The following FAM200B variants were observed in gnomAD, a reference collection of about 807,000 sequenced individuals.
The protein encoded by FAM200B is zinc finger BED-type containing 11.
FAM200B carries 32 observed loss-of-function variants against 33.1 expected under a neutral mutation model. The observed-to-expected ratio is 0.97, with a 90% CI of 0.73 to 1.30. The LOEUF is 1.30. Among genes scored for constraint, FAM200B ranks in the 50% most tolerant of loss-of-function variants. The pLI is 0.00. For synonymous variants in FAM200B, 240 were observed against 264.8 expected, an observed-to-expected ratio of 0.91 and a Z score of 0.91; for missense variants, 741 against 754.0, an observed-to-expected ratio of 0.98 and a Z score of 0.20.
chr4:15,654,087 A>C, the FAM200B span, among the ~76,000 whole-genome samples: 1 of 152,130 alleles, frequency 6.6e-6, no homozygotes, highest in Admixed American at 6.5e-5. Context: ...GCTGGTCTTG[A>C]GTGTGGCCTA....
rs748404651 is a variant in FAM200B at position 15,688,049 on chromosome 4, G to A, written c.1072G>A (p.Gly358Arg). The change falls in exon 2 of 2, where the codon GGA (glycine) becomes AGA (arginine). Residue 358 changes from glycine to arginine, a missense_variant. Physicochemically the swap from Gly to Arg is moderately radical, Grantham distance 125. Transcript: ENST00000422728. The part of the protein sequence containing the change: ...NAVKVVNFIK[G>R]SSLNSRLLET... Reference sequence around the variant, plus strand: ...AGTGAAAGTTGTTAATTTTATTAAAGGAAGCTCATTGAATAGCCGGCTTCT... The same window carrying A: ...AGTGAAAGTTGTTAATTTTATTAAAAGAAGCTCATTGAATAGCCGGCTTCT... 1.9e-6 allele frequency: 3 copies of A among 1,551,028 alleles called. No individual in the cohort carries two copies. The highest frequency in any genetic ancestry group is 1.4e-5 in the African/African-American group (1 of 72,988).
chr4:15,669,336 C>G, the FAM200B span, among the ~76,000 whole-genome samples: 14 of 152,136 alleles, frequency 9.2e-5, no homozygotes, highest in Admixed American at 7.2e-4. Flanking sequence ...GTATCCAAAA[C>G]TAGGAAAGGT....
rs779111493 is a variant in FAM200B, at chr4:15,687,784, A to AT, written c.809dup (p.Leu270PhefsTer16). The AT allele has an allele frequency of 2.6e-5, 41 of 1,550,536 alleles. No individual in the cohort carries two copies. Among genetic ancestry groups the AT allele is most frequent in the Non-Finnish European group, 3.5e-6 (4 of 1,146,546 alleles). ...TAAATTTAACCTCACACCTAAGTGGATTAGATATTTTTACAGAATTAGAAA... is the reference window on the plus strand; with the variant it reads ...TAAATTTAACCTCACACCTAAGTGGATTTAGATATTTTTACAGAATTAGAAA... On this transcript the variant is annotated frameshift_variant, in exon 2 of 2. Coordinates refer to ENST00000422728, the MANE Select transcript of FAM200B (RefSeq NM_001145191.2). LOFTEE classifies it high-confidence loss of function.
upstream of FAM200B, among the ~76,000 whole-genome samples, chr4:15,677,161 T>C (rs1718024641): frequency 6.6e-6 from 1 of 152,080 alleles, no homozygotes; most frequent in South Asian, 2.1e-4. Context: ...GCAGAGGAAA[T>C]ATATTCACAA....
the FAM200B span, among the ~76,000 whole-genome samples, chr4:15,674,204 GT>G: frequency 0.12 from 16,643 of 140,104 alleles, 926 homozygotes; most frequent in Admixed American, 0.13. Context: ...AATGCATCGT[GT>G]TTTTTTTTTT....
the FAM200B span, chr4:15,656,470 ATT>A: frequency 5.8e-6 from 2 of 346,094 alleles, no homozygotes; most frequent in Non-Finnish European, 1.2e-5. Flanking sequence ...CTTGTTCTCT[ATT>A]ATCTATCACA....
chr4:15,653,136 A>G, the FAM200B span, among the ~76,000 whole-genome samples: 1 of 152,192 alleles, frequency 6.6e-6, no homozygotes, highest in African/African-American at 2.4e-5. Context: ...CCTCAGTTTC[A>G]GTTCAGAAAA....
the FAM200B span, among the ~76,000 whole-genome samples, chr4:15,673,692 A>G: frequency 6.4e-3 from 973 of 152,326 alleles, 18 homozygotes; most frequent in African/African-American, 0.022. Flanking sequence ...ACAGTGATCA[A>G]TACTTACCTG....
At chr4:15,641,379 C>A in the FAM200B span, 1 of 344,794 alleles carries the variant, frequency 2.9e-6, no homozygotes, top group Non-Finnish European at 5.6e-6. Context: ...AAGACCAACC[C>A]CACCTCTTCT....
the FAM200B span, among the ~76,000 whole-genome samples, chr4:15,648,991 T>C: frequency 6.6e-6 from 1 of 152,142 alleles, no homozygotes; most frequent in Non-Finnish European, 1.5e-5. Flanking sequence ...ACAATATTTA[T>C]TTGTCAATTA....
chr4:15,675,771 T>C, the FAM200B span, among the ~76,000 whole-genome samples: 1 of 151,866 alleles, frequency 6.6e-6, no homozygotes, highest in African/African-American at 2.4e-5. Context: ...TTAGTAGAAA[T>C]GGGGTTTCAC....
At chr4:15,649,548 C>A in the FAM200B span, among the ~76,000 whole-genome samples, 2 of 143,066 alleles carry the variant, frequency 1.4e-5, no homozygotes, top group South Asian at 4.3e-4. Flanking sequence ...CCACTGCACT[C>A]CAGCCTGGAG....
chr4:15,656,225 T>C, the FAM200B span: 25 of 456,130 alleles, frequency 5.5e-5, no homozygotes, highest in Non-Finnish European at 9.3e-5. Flanking sequence ...ACAAGGTCAC[T>C]AACCCAGGAA....
At chr4:15,660,568 C>A in the FAM200B span, among the ~76,000 whole-genome samples, 1 of 152,232 alleles carries the variant, frequency 6.6e-6, no homozygotes, top group African/African-American at 2.4e-5. Context: ...AATCCCACTT[C>A]TCACTACCTA....
the FAM200B span, among the ~76,000 whole-genome samples, chr4:15,659,460 G>A: frequency 2.2e-4 from 33 of 152,148 alleles, no homozygotes; most frequent in Admixed American, 1.3e-4. Context: ...GTAAGATTCA[G>A]TTCTGGGAAT....
In FAM200B at chr4:15,687,210, C is replaced by A; in HGVS notation, c.233C>A (p.Pro78His). The change falls in exon 2 of 2, where the codon CCC becomes CAC. Residue 78 changes from proline (P) to histidine (H), a missense_variant. Pro to His is a moderately conservative substitution (Grantham distance 77, BLOSUM62 -2). Transcript: ENST00000422728. ...LKYGFIKCEK[P>H]FENDRPQCVI... ...TATGGCTTTATCAAATGTGAAAAACCCTTTGAAAATGACAGACCTCAGTGT... is the reference window on the plus strand; with the variant it reads ...TATGGCTTTATCAAATGTGAAAAACACTTTGAAAATGACAGACCTCAGTGT... 1 of 1,537,534 alleles carries A rather than the reference C, an allele frequency of 6.5e-7. No homozygotes were observed. Among genetic ancestry groups the A allele is most frequent in the East Asian group, 2.5e-5 (1 of 40,686 alleles).
chr4:15,678,045 A>G (rs1046871562), upstream of FAM200B, among the ~76,000 whole-genome samples: 4 of 152,202 alleles, frequency 2.6e-5, no homozygotes, highest in Admixed American at 2.6e-4. Flanking sequence ...GTATCATTAA[A>G]TGGGCGGGTG....
chr4:15,687,817 A>C lies in FAM200B; in HGVS notation c.840A>C (p.Ile280=). 1 of 1,550,918 alleles carries C rather than the reference A, an allele frequency of 6.4e-7. No individual in the cohort carries two copies. The highest frequency in any genetic ancestry group is 8.7e-7 in the Non-Finnish European group (1 of 1,146,410). ...TTTTTACAGAATTAGAAAGGCGCATAGTTGGCCAATATAAATTAAACTGGA... is the reference window on the plus strand; with the variant it reads ...TTTTTACAGAATTAGAAAGGCGCATCGTTGGCCAATATAAATTAAACTGGA... ...LDIFTELERR[I]VGQYKLNWKN... Residue 280 remains isoleucine, a synonymous_variant, in exon 2 of 2, where the codon ATA becomes ATC. Coordinates refer to ENST00000422728, the MANE Select transcript of FAM200B (RefSeq NM_001145191.2).
the FAM200B span, chr4:15,641,574 T>C: frequency 2.2e-6 from 1 of 456,706 alleles, no homozygotes; most frequent in Admixed American, 2.4e-5. Flanking sequence ...CATGAAATAA[T>C]TGTTATTCGA....
Sources: gnomAD v4.1 joint callset for allele counts (sites outside exome capture counted in the v4.1 genomes callset) on GRCh38, gnomAD v4.1.1 for gene constraint, MANE v1.5 for transcripts, NCBI Gene and HGNC (gene_info 2026-07-23, HGNC 2026-07-21) for gene names.